Variants in CLDN10 observed in about 807,000 individuals in gnomAD.
The protein encoded by CLDN10 is claudin-10.
In CLDN10, 15 loss-of-function variants were observed where a neutral mutation model predicts 22.9. The ratio of observed to expected loss-of-function variants is 0.65; its 90% confidence interval spans 0.44 to 1.01. The LOEUF is 1.01. Among genes scored for constraint, CLDN10 ranks in the 50% least tolerant of loss-of-function variants. CLDN10 has a pLI of 0.00. For synonymous variants in CLDN10, 114 were observed against 111.4 expected (o/e 1.02, Z -0.15); for missense variants, 247 against 287.8 (o/e 0.86, Z 1.03).
At chr13:95,549,742 G>A (rs990729449), upstream of CLDN10, among the ~76,000 whole-genome samples, 8 of 152,136 alleles carry the variant, frequency 5.3e-5, no homozygotes, top group Non-Finnish European at 1.0e-4. Flanking sequence ...CAACCTCATA[G>A]AAAGGAGAAA....
intron 1 of CLDN10, among the ~76,000 whole-genome samples, chr13:95,459,352 C>T (rs2042512853): frequency 6.6e-6 from 1 of 152,224 alleles, no homozygotes; most frequent in Non-Finnish European, 1.5e-5. Flanking sequence ...CCCTTCCACA[C>T]TACCCTACCA....
chr13:95,473,881 C>T (rs747507503), intron 1 of CLDN10, among the ~76,000 whole-genome samples: 1 of 152,102 alleles, frequency 6.6e-6, no homozygotes, highest in Non-Finnish European at 1.5e-5. Flanking sequence ...TGAAGGGGCT[C>T]GCCCACAGTG....
intron 1 of CLDN10, among the ~76,000 whole-genome samples, chr13:95,502,520 T>C (rs1393691370): frequency 6.6e-6 from 1 of 152,116 alleles, no homozygotes; most frequent in East Asian, 1.9e-4. Flanking sequence ...TTTGTTTTGT[T>C]CTGTGTGTTT....
intron 1 of CLDN10, 50 bp from the exon 2 acceptor site, chr13:95,560,082 C>T: frequency 6.6e-7 from 1 of 1,514,282 alleles, no homozygotes; most frequent in Non-Finnish European, 9.0e-7. Context: ...GGATTTCTCC[C>T]TGGACAGCCA....
At chr13:95,545,866 TG>T (rs2043503736) in intron 1 of CLDN10, among the ~76,000 whole-genome samples, 1 of 152,142 alleles carries the variant, frequency 6.6e-6, no homozygotes. Context: ...TTCAAGTCAC[TG>T]GGCTAGCTCC....
intron 1 of CLDN10, among the ~76,000 whole-genome samples, chr13:95,437,110 G>A (rs1171919895): frequency 5.9e-5 from 9 of 151,842 alleles, no homozygotes; most frequent in Non-Finnish European, 5.9e-5. Flanking sequence ...CCTTCCCATA[G>A]CTAACCCTCT....
intron 1 of CLDN10, among the ~76,000 whole-genome samples, chr13:95,480,769 G>C (rs2042738634): frequency 6.6e-6 from 1 of 152,186 alleles, no homozygotes; most frequent in South Asian, 2.1e-4. Context: ...CACACGTTGA[G>C]AAATATTCAA....
intron 1 of CLDN10, among the ~76,000 whole-genome samples, chr13:95,525,476 A>G (rs1442163927): frequency 6.6e-6 from 1 of 151,894 alleles, no homozygotes; most frequent in Non-Finnish European, 1.5e-5. Flanking sequence ...GTGAGTAACA[A>G]ATAAATCTTC....
At chr13:95,517,953 A>AAAAAAAAG (rs1555295127) in intron 1 of CLDN10, among the ~76,000 whole-genome samples, 2 of 127,242 alleles carry the variant, frequency 1.6e-5, no homozygotes, top group African/African-American at 6.2e-5. Context: ...AAAAAAAAAA[A>AAAAAAAAG]AGAGAGATTG....
At chr13:95,480,223 C>T (rs1043396012) in intron 1 of CLDN10, among the ~76,000 whole-genome samples, 3 of 152,186 alleles carry the variant, frequency 2.0e-5, no homozygotes, top group African/African-American at 7.2e-5. Context: ...CACCGGGTCC[C>T]TCCCACGACA....
chr13:95,507,495 C>A (rs528908603), intron 1 of CLDN10, among the ~76,000 whole-genome samples: 1 of 151,934 alleles, frequency 6.6e-6, no homozygotes, highest in Non-Finnish European at 1.5e-5. Context: ...ATTATAAAGA[C>A]GATGTGGGGT....
intron 1 of CLDN10, among the ~76,000 whole-genome samples, chr13:95,559,377 T>C (rs1289727392): frequency 1.3e-5 from 2 of 152,224 alleles, no homozygotes; most frequent in South Asian, 2.1e-4. Context: ...ACAAACGAAC[T>C]GACAGAACAT....
chr13:95,518,211 A>G (rs535733513), intron 1 of CLDN10, among the ~76,000 whole-genome samples: 16 of 152,188 alleles, frequency 1.1e-4, no homozygotes, highest in Admixed American at 7.9e-4. Context: ...AAGCATGCCT[A>G]GCACATAGTT....
intron 1 of CLDN10, among the ~76,000 whole-genome samples, chr13:95,471,453 A>ATATATATATATATAT (rs776857009): frequency 9.8e-4 from 104 of 106,376 alleles, no homozygotes; most frequent in Non-Finnish European, 1.5e-3. Context: ...ATATATATAT[A>ATATATATATATATAT]TTTTTTTTTT....
intron 1 of CLDN10, among the ~76,000 whole-genome samples, chr13:95,439,322 C>T (rs1026201268): frequency 1.3e-5 from 2 of 151,194 alleles, no homozygotes; most frequent in Non-Finnish European, 2.9e-5. Flanking sequence ...CAAGGCAGCT[C>T]TCTGAGGCCT....
intron 1 of CLDN10, among the ~76,000 whole-genome samples, chr13:95,553,239 G>A (rs893436084): frequency 3.9e-5 from 6 of 152,158 alleles, no homozygotes; most frequent in Non-Finnish European, 7.4e-5. Context: ...ACTCCCAGGC[G>A]TCGGGGGATG....
At chr13:95,507,927 A>G (rs1031523142) in intron 1 of CLDN10, among the ~76,000 whole-genome samples, 2 of 151,892 alleles carry the variant, frequency 1.3e-5, no homozygotes, top group Non-Finnish European at 2.9e-5. Flanking sequence ...CTGGCCAAAA[A>G]ACTTTTTTTA....
chr13:95,547,058 T>TC (rs2043517228), intron 1 of CLDN10, among the ~76,000 whole-genome samples: 1 of 150,984 alleles, frequency 6.6e-6, no homozygotes, highest in Non-Finnish European at 1.5e-5. Context: ...TTTTTTTTTT[T>TC]TTTTTTTAAG....
intron 1 of CLDN10, among the ~76,000 whole-genome samples, chr13:95,482,334 T>C (rs568218306): frequency 6.6e-6 from 1 of 152,286 alleles, no homozygotes; most frequent in Non-Finnish European, 1.5e-5. Context: ...CCAAAGTCTG[T>C]AGTTTGTTGA....
Sources: gnomAD v4.1 joint callset for allele counts (sites outside exome capture counted in the v4.1 genomes callset) on GRCh38, gnomAD v4.1.1 for gene constraint, MANE v1.5 for transcripts, NCBI Gene and HGNC (gene_info 2026-07-23, HGNC 2026-07-21) for gene names.